The following MAP2K5 variants were observed in gnomAD, a reference collection of about 807,000 sequenced individuals.
MAP2K5 encodes the protein mitogen-activated protein kinase kinase 5.
In MAP2K5, 49 loss-of-function variants were observed where a neutral mutation model predicts 83.1. The observed-to-expected ratio is 0.59, with a 90% CI of 0.47 to 0.75. The LOEUF (loss-of-function observed/expected upper bound fraction) is 0.75, where lower values mean the gene tolerates loss of function less well. MAP2K5 is among the 30% of genes least tolerant of loss of function. The pLI, the probability that MAP2K5 is intolerant of heterozygous loss-of-function variation, is 0.00. For synonymous variants in MAP2K5, 202 were observed against 191.8 expected, an observed-to-expected ratio of 1.05 and a Z score of -0.44; for missense variants, 457 against 557.5, an observed-to-expected ratio of 0.82 and a Z score of 1.82.
At position 67,637,428 on chromosome 15, in the gene MAP2K5, A is replaced by G. The variant is rs988767932; in HGVS notation, c.585+6501A>G. Reference sequence around the variant, plus strand: ...AGAACTAATTTTCCCCGTGCAGCAGAGGTAGTACTCTTCTGAGTACTCTAC... The same window carrying G: ...AGAACTAATTTTCCCCGTGCAGCAGGGGTAGTACTCTTCTGAGTACTCTAC... On this transcript the variant is annotated intron_variant, in intron 9 of 21. Transcript: ENST00000178640. This position sits in a 1 kb window ranked among gnomAD's most constrained non-coding sequence, Gnocchi z 4.5. Among the ~76,000 whole-genome samples the G allele has an allele frequency of 2.0e-5, 3 of 152,154 alleles. No individual in the cohort carries two copies. Among genetic ancestry groups the G allele is most frequent in the African/African-American group, 7.2e-5 (3 of 41,420 alleles).
At chr15:67,624,634 TGTGTGA>T (rs1208056493) in intron 8 of MAP2K5, among the ~76,000 whole-genome samples, 166 of 130,846 alleles carry the variant, frequency 1.3e-3, no homozygotes, top group Admixed American at 5.7e-3. Context: ...TGTGTGTGTG[TGTGTGA>T]GTGTGTTTGA....
rs1056064389 is a variant in MAP2K5 at position 67,563,637 on chromosome 15, A to G, written c.252+287A>G. ...CAATTTCCTGTATTTTTTATGCAGTACTTAAAGTAACGGCTCATTAAAAAT... is the reference window on the plus strand; with the variant it reads ...CAATTTCCTGTATTTTTTATGCAGTGCTTAAAGTAACGGCTCATTAAAAAT... On this transcript the variant is annotated intron_variant, in intron 3 of 21. Transcript: ENST00000178640. The surrounding 1 kb of genome is among the most constrained non-coding windows in gnomAD (Gnocchi z 4.5). 6.6e-6 allele frequency among the ~76,000 whole-genome samples: 1 copy of G among 152,212 alleles called. No individual in the cohort carries two copies. Among genetic ancestry groups the G allele is most frequent in the Admixed American group, 6.5e-5 (1 of 15,286 alleles).
chr15:67,584,774 G>A (rs2085252460), intron 4 of MAP2K5, among the ~76,000 whole-genome samples: 1 of 150,304 alleles, frequency 6.7e-6, no homozygotes, highest in African/African-American at 2.4e-5. Context: ...TGCCTCCTGG[G>A]TTCACAACAT....
chr15:67,718,152 C>T (rs1481237356), intron 16 of MAP2K5: 1 of 152,194 alleles, frequency 6.6e-6, no homozygotes, highest in African/African-American at 2.4e-5. Context: ...TTATGACTCC[C>T]TTGACTTTGA....
intron 13 of MAP2K5, among the ~76,000 whole-genome samples, chr15:67,683,038 G>A (rs1412462328): frequency 1.3e-5 from 2 of 152,052 alleles, no homozygotes; most frequent in Non-Finnish European, 2.9e-5. Context: ...AGACTCGGGA[G>A]GCTGAGGAAG....
At chr15:67,547,455 C>CT (rs398057779) in intron 1 of MAP2K5, among the ~76,000 whole-genome samples, 16,564 of 128,704 alleles carry the variant, frequency 0.13, 1,087 homozygotes, top group East Asian at 0.2. Flanking sequence ...TTTCTTTTTT[C>CT]TTTTTTTTTT....
rs1410237631 is a variant in MAP2K5 at position 67,802,905 on chromosome 15, G to A, written c.1243-3741G>A. Among the ~76,000 whole-genome samples, 2 of 152,234 alleles carry A rather than the reference G, an allele frequency of 1.3e-5. No homozygotes were observed. The highest frequency in any genetic ancestry group is 2.9e-5 in the Non-Finnish European group (2 of 68,050). ...AGGGGAGGGACCAGCCGCAGGGGCT[G>A]GAGACTGCAAGGAGCCTCGAGGTTG... On this transcript the variant is annotated intron_variant, in intron 21 of 21. Coordinates refer to ENST00000178640, the MANE Select transcript of MAP2K5 (RefSeq NM_145160.3). This position sits in a 1 kb window ranked among gnomAD's most constrained non-coding sequence, Gnocchi z 5.0.
Position 67,782,939 on chromosome 15 carries a change from A to C in MAP2K5, c.1242+10187A>C, listed in dbSNP as rs138597079. ...TTTTCAGCTCTCCTGTGCAGGCAGC[A>C]GTGCTGCATCATCTGGAAAGTGGGT... On this transcript the variant is annotated intron_variant, in intron 21 of 21. Transcript: ENST00000178640. The surrounding 1 kb of genome is among the most constrained non-coding windows in gnomAD (Gnocchi z 4.9). Among the ~76,000 whole-genome samples the C allele has an allele frequency of 9.6e-3, 1,467 of 152,356 alleles. 29 individuals are homozygous for C. The highest frequency in any genetic ancestry group is 0.033 in the African/African-American group (1,364 of 41,580).
intron 6 of MAP2K5, among the ~76,000 whole-genome samples, chr15:67,589,595 T>G (rs1296875094): frequency 6.6e-6 from 1 of 152,236 alleles, no homozygotes; most frequent in African/African-American, 2.4e-5. Flanking sequence ...TGAAAGGCAT[T>G]CTATAAATGC....
chr15:67,624,935 A>C (rs2086281831), intron 8 of MAP2K5, among the ~76,000 whole-genome samples: 2 of 152,102 alleles, frequency 1.3e-5, no homozygotes, highest in African/African-American at 4.8e-5. Flanking sequence ...CCAGCCAAAC[A>C]TCACCATCTA....
chr15:67,650,424 C>T (rs973489695), intron 11 of MAP2K5, among the ~76,000 whole-genome samples: 35 of 151,740 alleles, frequency 2.3e-4, no homozygotes, highest in African/African-American at 8.2e-4. Context: ...AGCTTTCAGT[C>T]TTTCACCATT....
chr15:67,658,434 C>T (rs1025177317), intron 11 of MAP2K5, 119 bp from the exon 12 acceptor site: 19 of 741,164 alleles, frequency 2.6e-5, no homozygotes, highest in Non-Finnish European at 3.8e-5. Context: ...TTATACTACA[C>T]ATCCAATGCA....
chr15:67,732,986 G>A (rs557351012), intron 17 of MAP2K5, among the ~76,000 whole-genome samples: 11 of 152,280 alleles, frequency 7.2e-5, no homozygotes, highest in African/African-American at 2.6e-4. Flanking sequence ...GACTGTGGGC[G>A]AATCTGTACT....
chr15:67,586,200 T>C (rs571679382), intron 5 of MAP2K5, among the ~76,000 whole-genome samples: 1 of 152,348 alleles, frequency 6.6e-6, no homozygotes, highest in East Asian at 1.9e-4. Context: ...TGCTGGTATC[T>C]ACAAAGATTT....
At chr15:67,744,500 C>T (rs372971869) in intron 17 of MAP2K5, among the ~76,000 whole-genome samples, 1 of 152,204 alleles carries the variant, frequency 6.6e-6, no homozygotes, top group East Asian at 1.9e-4. Context: ...CAGACAAGAG[C>T]TGCAGGGCAA....
intron 17 of MAP2K5, 27 bp downstream of exon 17, chr15:67,727,972 C>G: frequency 1.9e-6 from 3 of 1,596,200 alleles, no homozygotes; most frequent in Non-Finnish European, 2.6e-6. Context: ...CTGCTGTTTG[C>G]CACTGTGACA....
chr15:67,729,897 A>ATCAGTCAAG, intron 17 of MAP2K5, among the ~76,000 whole-genome samples: 1 of 152,360 alleles, frequency 6.6e-6, no homozygotes, highest in South Asian at 2.1e-4. Flanking sequence ...TCTTTACTTG[A>ATCAGTCAAG]TCAGTCAAGT....
chr15:67,595,130 T>A (rs756452146), intron 7 of MAP2K5, among the ~76,000 whole-genome samples: 6 of 152,362 alleles, frequency 3.9e-5, no homozygotes, highest in Admixed American at 2.0e-4. Flanking sequence ...ATATTAATCA[T>A]TAAAAGAAAG....
intron 19 of MAP2K5, among the ~76,000 whole-genome samples, chr15:67,761,493 C>T (rs1446870317): frequency 1.3e-5 from 2 of 152,166 alleles, no homozygotes; most frequent in Non-Finnish European, 2.9e-5. Context: ...AGTTCTGTTT[C>T]CCCCCTTATC....
Sources: allele counts gnomAD v4.1 joint callset (sites outside exome capture counted in the v4.1 genomes callset), GRCh38; gene constraint gnomAD v4.1.1; non-coding constraint Gnocchi (gnomAD v3.1); transcripts MANE v1.5; gene names NCBI Gene and HGNC (gene_info 2026-07-23, HGNC 2026-07-21).